The following UBE2R2 variants were observed in gnomAD, a reference collection of about 807,000 sequenced individuals.
UBE2R2 encodes the protein ubiquitin-conjugating enzyme E2 R2.
A neutral mutation model predicts 27.8 loss-of-function variants in UBE2R2; 1 was observed. The observed-to-expected ratio is 0.04, with a 90% CI of 0.01 to 0.17. The LOEUF is 0.17. Among genes scored for constraint, UBE2R2 ranks in the 10% least tolerant of loss-of-function variants. The pLI, the probability that UBE2R2 is intolerant of heterozygous loss-of-function variation, is 1.00. For missense variants in UBE2R2, 100 were observed against 291.0 expected, an observed-to-expected ratio of 0.34 and a Z score of 4.78; for synonymous variants, 106 against 113.3, an observed-to-expected ratio of 0.94 and a Z score of 0.41.
At chr9:33,914,872 C>A (rs996344776) in intron 4 of UBE2R2, among the ~76,000 whole-genome samples, 3 of 151,658 alleles carry the variant, frequency 2.0e-5, no homozygotes, top group African/African-American at 7.3e-5. Context: ...CACAGTGGCT[C>A]ACGCCTGTAA....
chr9:33,913,612 T>G (rs1564007763), intron 4 of UBE2R2, among the ~76,000 whole-genome samples: 1 of 152,168 alleles, frequency 6.6e-6, no homozygotes, highest in African/African-American at 2.4e-5. Context: ...AGACCCCAAA[T>G]ACAGTTACAG....
rs1192892539 is a variant in UBE2R2, at chr9:33,845,269, C to T, written c.177+27335C>T. On this transcript the variant is annotated intron_variant, in intron 1 of 4. Coordinates refer to ENST00000263228, the MANE Select transcript of UBE2R2 (RefSeq NM_017811.4). ...CACAATCTTTTTTTTTTTTTTTAGA[C>T]GGAGTCTTGCTCTGTCACCCAGGCT... Among the ~76,000 whole-genome samples, 86 of 145,736 alleles carry T rather than the reference C, an allele frequency of 5.9e-4. 1 individual carries two copies. The highest frequency in any genetic ancestry group is 2.1e-4 in the Non-Finnish European group (14 of 66,466).
chr9:33,879,778 C>T (rs1176009118), intron 1 of UBE2R2, among the ~76,000 whole-genome samples: 4 of 112,754 alleles, frequency 3.5e-5, no homozygotes, highest in Non-Finnish European at 5.5e-5. Context: ...TTTTTTGAGA[C>T]GATGTTTTGT....
intron 1 of UBE2R2, chr9:33,818,727 G>A (rs1003732341): frequency 1.3e-5 from 2 of 152,084 alleles, no homozygotes; most frequent in African/African-American, 4.8e-5. Flanking sequence ...AGGGTGGAAC[G>A]AGTCATGTAG....
chr9:33,859,793 T>TGAGAGA (rs767686442), intron 1 of UBE2R2, among the ~76,000 whole-genome samples: 17 of 124,800 alleles, frequency 1.4e-4, no homozygotes, highest in African/African-American at 4.4e-4. Context: ...TGTGTGTGTG[T>TGAGAGA]GTGTGTGAGA....
intron 2 of UBE2R2, among the ~76,000 whole-genome samples, chr9:33,894,977 G>A (rs894814279): frequency 6.6e-6 from 1 of 152,184 alleles, no homozygotes; most frequent in Non-Finnish European, 1.5e-5. Flanking sequence ...TGGAATTACA[G>A]GCATGAGCCA....
At chr9:33,831,482 T>C (rs931807999) in intron 1 of UBE2R2, among the ~76,000 whole-genome samples, 1 of 152,126 alleles carries the variant, frequency 6.6e-6, no homozygotes, top group African/African-American at 2.4e-5. Flanking sequence ...AGTGGCGCCA[T>C]CTCGGCTCAC....
chr9:33,901,869 C>A (rs752507967), intron 3 of UBE2R2, among the ~76,000 whole-genome samples: 2 of 151,530 alleles, frequency 1.3e-5, no homozygotes, highest in Admixed American at 6.6e-5. Context: ...TTACACCTCA[C>A]CTTGACAACC....
rs1822672105 is a variant in UBE2R2 at position 33,917,297 on chromosome 9, G to A, written c.*60G>A. Reference sequence around the variant, plus strand: ...TCTCAGGCCAAAGGGAGGGGAGCAAGTGGGGACCTGGCCATGGCCCCTCAG... The same window carrying A: ...TCTCAGGCCAAAGGGAGGGGAGCAAATGGGGACCTGGCCATGGCCCCTCAG... On this transcript the variant is annotated 3_prime_UTR_variant, in exon 5 of 5. Transcript: ENST00000263228. The A allele has an allele frequency of 1.9e-6, 3 of 1,598,420 alleles. No homozygotes were observed. Among genetic ancestry groups the A allele is most frequent in the Admixed American group, 1.7e-5 (1 of 59,592 alleles).
chr9:33,901,880 A>G (rs1822251670), intron 3 of UBE2R2, among the ~76,000 whole-genome samples: 1 of 150,508 alleles, frequency 6.6e-6, no homozygotes, highest in South Asian at 2.1e-4. Context: ...CTTGACAACC[A>G]TCATCCCTCT....
chr9:33,855,886 T>C (rs1381169724), intron 1 of UBE2R2, among the ~76,000 whole-genome samples: 1 of 152,132 alleles, frequency 6.6e-6, no homozygotes, highest in Non-Finnish European at 1.5e-5. Context: ...GAAATCAGCC[T>C]GGGCAACATG....
chr9:33,888,459 A>C (rs1821911572), intron 2 of UBE2R2, among the ~76,000 whole-genome samples: 1 of 151,824 alleles, frequency 6.6e-6, no homozygotes, highest in African/African-American at 2.4e-5. Context: ...GGCCCTGTGG[A>C]TGTTGGAAGT....
chr9:33,829,167 C>T (rs1820384822), intron 1 of UBE2R2, among the ~76,000 whole-genome samples: 1 of 152,106 alleles, frequency 6.6e-6, no homozygotes, highest in African/African-American at 2.4e-5. Flanking sequence ...CGCGCCTGGC[C>T]TTTTGTCTGT....
At chr9:33,828,201 C>A (rs1820357930) in intron 1 of UBE2R2, among the ~76,000 whole-genome samples, 2 of 150,470 alleles carry the variant, frequency 1.3e-5, no homozygotes, top group African/African-American at 4.9e-5. Flanking sequence ...ACTCGGGAGG[C>A]TGAGGCAGAA....
intron 1 of UBE2R2, among the ~76,000 whole-genome samples, chr9:33,868,221 C>T (rs952945557): frequency 6.6e-6 from 1 of 152,032 alleles, no homozygotes; most frequent in African/African-American, 2.4e-5. Flanking sequence ...GACACTCAGC[C>T]GCTTGTGTTG....
chr9:33,899,964 A>G (rs746757874), intron 2 of UBE2R2, among the ~76,000 whole-genome samples: 7 of 152,236 alleles, frequency 4.6e-5, no homozygotes, highest in Non-Finnish European at 8.8e-5. Flanking sequence ...AAGTCTTCTC[A>G]CTAGAAAATA....
At chr9:33,865,488 G>A (rs1821341341) in intron 1 of UBE2R2, among the ~76,000 whole-genome samples, 1 of 151,996 alleles carries the variant, frequency 6.6e-6, no homozygotes, top group Non-Finnish European at 1.5e-5. Flanking sequence ...GAGCCACCAC[G>A]CCTGGCCTTC....
intron 1 of UBE2R2, among the ~76,000 whole-genome samples, chr9:33,857,213 CT>C (rs994470718): frequency 3.6e-4 from 53 of 146,078 alleles, no homozygotes; most frequent in Admixed American, 3.0e-3. Context: ...AGTTTATATG[CT>C]TTTTTTTTTA....
At chr9:33,915,354 C>CCAAAAG in intron 4 of UBE2R2, among the ~76,000 whole-genome samples, 2 of 152,242 alleles carry the variant, frequency 1.3e-5, no homozygotes, top group South Asian at 2.1e-4. Context: ...TCTACCTCTG[C>CCAAAAG]ATATGGAACA....
Sources: gnomAD v4.1 joint callset for allele counts (sites outside exome capture counted in the v4.1 genomes callset) on GRCh38, gnomAD v4.1.1 for gene constraint, MANE v1.5 for transcripts, NCBI Gene and HGNC (gene_info 2026-07-23, HGNC 2026-07-21) for gene names.